Variants in PCDHGA1 observed in about 807,000 individuals in gnomAD.
PCDHGA1 encodes protocadherin gamma subfamily A, 1, also known as protocadherin gamma-A1.
In PCDHGA1, 32 loss-of-function variants were observed where a neutral mutation model predicts 58.0. The ratio of observed to expected loss-of-function variants is 0.55; its 90% CI spans 0.42 to 0.74. PCDHGA1 has a LOEUF of 0.74. Ranked by LOEUF, PCDHGA1 falls within the 30% of genes least tolerant of loss-of-function variation. PCDHGA1 has a pLI of 0.00. For missense variants in PCDHGA1, 1,205 were observed against 1,182.3 expected, an observed-to-expected ratio of 1.02 and a Z score of -0.28; for synonymous variants, 498 against 501.1, an observed-to-expected ratio of 0.99 and a Z score of 0.08.
chr5:141,480,719 A>G (rs1455113968), intron 1 of PCDHGA1, among the ~76,000 whole-genome samples: 1 of 152,194 alleles, frequency 6.6e-6, no homozygotes, highest in Non-Finnish European at 1.5e-5. Flanking sequence ...ATGAAAGCAC[A>G]GTCTCTGGGG....
chr5:141,346,056 C>G lies in PCDHGA1; in HGVS notation c.2421+12951C>G, dbSNP rs1216486405. The G allele has an allele frequency of 6.2e-7, 1 of 1,613,492 alleles. No individual in the cohort carries two copies. The highest frequency in any genetic ancestry group is 8.5e-7 in the Non-Finnish European group (1 of 1,179,852). ...CAGGATCCCCGACATCCTGGCCGAC[C>G]TGGGCAGCCTCGAGCCCTCCGCCAA... On this transcript the variant is annotated intron_variant, in intron 1 of 3. Coordinates refer to ENST00000517417, the MANE Select transcript of PCDHGA1 (RefSeq NM_018912.3).
intron 1 of PCDHGA1, chr5:141,403,391 G>C (rs1182066905): frequency 6.2e-7 from 1 of 1,614,046 alleles, no homozygotes; most frequent in East Asian, 2.2e-5. Flanking sequence ...CGAAATCGCG[G>C]TTCCTGGAGC....
chr5:141,440,444 C>G (rs2098178389), intron 1 of PCDHGA1: 1 of 152,038 alleles, frequency 6.6e-6, no homozygotes, highest in Admixed American at 6.6e-5. Context: ...AAGGCGCCAT[C>G]TCAAAAAAAA....
chr5:141,351,482 C>T lies in PCDHGA1; in HGVS notation c.2421+18377C>T, dbSNP rs148748054. 5.0e-6 allele frequency: 8 copies of T among 1,613,870 alleles called. No individual in the cohort carries two copies. In the Admixed American group the frequency reaches 1.2e-4, roughly 24 times the overall value. On this transcript the variant is annotated intron_variant, in intron 1 of 3. Coordinates refer to ENST00000517417, the MANE Select transcript of PCDHGA1 (RefSeq NM_018912.3). ...GCTGGTGATTGCTGGAGCCCTAAACCGGGAGCAGACAGCAGACTACAACGT... is the reference window on the plus strand; with the variant it reads ...GCTGGTGATTGCTGGAGCCCTAAACTGGGAGCAGACAGCAGACTACAACGT...
chr5:141,460,026 C>T (rs565259315), intron 1 of PCDHGA1, among the ~76,000 whole-genome samples: 36 of 152,090 alleles, frequency 2.4e-4, no homozygotes, highest in Non-Finnish European at 3.2e-4. Flanking sequence ...TGCAGTGAGC[C>T]GAGACTGCAC....
intron 1 of PCDHGA1, chr5:141,373,875 AAATC>A (rs3840507): frequency 0.061 from 29,734 of 483,624 alleles, 1,189 homozygotes; most frequent in African/African-American, 0.14. Context: ...CTGGGCAAGA[AAATC>A]AACGGAAACT....
rs2092149511 is a variant in PCDHGA1 at position 141,390,449 on chromosome 5, G to A, written c.2421+57344G>A. The A allele has an allele frequency of 4.8e-6, 4 of 829,790 alleles. No individual in the cohort carries two copies. In the Admixed American group the frequency reaches 8.7e-5, roughly 18 times the overall value. 51.4% of individuals were successfully genotyped at this position (829,790 alleles called of 1,614,324 possible). ...TGTCATATCATTCTACAAAGGAGGAGTAAAGTAGGAGCAATTGTGTGGCCC... is the reference window on the plus strand; with the variant it reads ...TGTCATATCATTCTACAAAGGAGGAATAAAGTAGGAGCAATTGTGTGGCCC... On this transcript the variant is annotated intron_variant, in intron 1 of 3. Coordinates refer to ENST00000517417, the MANE Select transcript of PCDHGA1 (RefSeq NM_018912.3).
intron 1 of PCDHGA1, chr5:141,372,386 C>T (rs376952769): frequency 2.8e-5 from 45 of 1,614,038 alleles, no homozygotes; most frequent in Non-Finnish European, 3.8e-5. Flanking sequence ...ACCTAATCTT[C>T]GCAGATAGCT....
intron 1 of PCDHGA1, chr5:141,373,841 C>T: frequency 2.3e-6 from 1 of 438,764 alleles, no homozygotes; most frequent in Non-Finnish European, 4.0e-6. Flanking sequence ...TAAGTTAGGA[C>T]TCTAAGCGTC....
chr5:141,414,965 C>T lies in PCDHGA1; in HGVS notation c.2422-79842C>T, dbSNP rs564450666. On this transcript the variant is annotated intron_variant, in intron 1 of 3. Coordinates refer to ENST00000517417, the MANE Select transcript of PCDHGA1 (RefSeq NM_018912.3). ...GGCTACCTGGTGACCAAGGTGGTGG[C>T]GGTGGACAGAGACTCCGGCCAGAAC... The T allele has an allele frequency of 7.9e-5, 127 of 1,613,962 alleles. No homozygotes were observed. The highest frequency in any genetic ancestry group is 7.7e-5 in the Non-Finnish European group (91 of 1,180,046).
intron 2 of PCDHGA1, among the ~76,000 whole-genome samples, chr5:141,501,166 C>T (rs1443045812): frequency 6.6e-6 from 1 of 152,154 alleles, no homozygotes; most frequent in African/African-American, 2.4e-5. Flanking sequence ...CATCCCCAGC[C>T]TCATTTACAT....
At position 141,419,527 on chromosome 5, in the gene PCDHGA1, C is replaced by G. The variant is rs755936657; in HGVS notation, c.2422-75280C>G. ...TGCGCGTGTTGGTGGGCGACCGTAA[C>G]GACAACGCACCGCGGGTGCTGTACC... is the stretch of plus-strand genomic sequence containing the variant. On this transcript the variant is annotated intron_variant, in intron 1 of 3. Transcript: ENST00000517417. The G allele has an allele frequency of 6.8e-5, 110 of 1,612,064 alleles. 2 individuals carry two copies. In the South Asian group the frequency reaches 9.6e-4, roughly 14 times the overall value.
chr5:141,374,118 AGCAGGTCCT>A lies in PCDHGA1; in HGVS notation c.2421+41016_2421+41024del, dbSNP rs761650555. On this transcript the variant is annotated intron_variant, in intron 1 of 3. Coordinates refer to ENST00000517417, the MANE Select transcript of PCDHGA1 (RefSeq NM_018912.3). ...CCGCAGAGGCATCCGCAGCGCAGCG[AGCAGGTCCT>A]GCTCCTCACGCTCCTGGGGACGCTG... 3.3e-5 allele frequency: 52 copies of A among 1,589,674 alleles called. 1 individual carries two copies. In the South Asian group the frequency reaches 5.5e-4, roughly 17 times the overall value.
chr5:141,345,742 A>G, intron 1 of PCDHGA1: 5 of 1,614,140 alleles, frequency 3.1e-6, no homozygotes, highest in Non-Finnish European at 4.2e-6. Flanking sequence ...CTCCCCACAG[A>G]CGGTTCCACT....
At chr5:141,435,510 T>C (rs72790047) in intron 1 of PCDHGA1, among the ~76,000 whole-genome samples, 9,714 of 152,280 alleles carry the variant, frequency 0.064, 363 homozygotes, top group African/African-American at 0.099. Context: ...ATGATACTAA[T>C]GATGACTTTG....
intron 1 of PCDHGA1, chr5:141,405,392 TTC>T (rs1477182661): frequency 6.3e-7 from 1 of 1,595,986 alleles, no homozygotes; most frequent in Non-Finnish European, 8.5e-7. Flanking sequence ...TTCATTTTTT[TTC>T]TTTCTTTCTT....
chr5:141,394,514 C>G (rs2093021412), intron 1 of PCDHGA1: 2 of 1,614,230 alleles, frequency 1.2e-6, no homozygotes, highest in South Asian at 1.1e-5. Context: ...ACCCCGCCCT[C>G]CCCACAGACG....
intron 1 of PCDHGA1, among the ~76,000 whole-genome samples, chr5:141,438,139 T>C (rs2097931816): frequency 6.6e-6 from 1 of 152,152 alleles, no homozygotes. Context: ...TGGCAAAAGA[T>C]AGCCAGCCTA....
At chr5:141,384,755 T>C (rs1780456507) in intron 1 of PCDHGA1, 1 of 1,613,938 alleles carries the variant, frequency 6.2e-7, no homozygotes, top group South Asian at 1.1e-5. Flanking sequence ...CTCTTTGCGG[T>C]TGGGCTGTAC....
Sources: allele counts gnomAD v4.1 joint callset (sites outside exome capture counted in the v4.1 genomes callset), GRCh38; gene constraint gnomAD v4.1.1; transcripts MANE v1.5; gene names NCBI Gene and HGNC (gene_info 2026-07-23, HGNC 2026-07-21).